The following MGAT5 variants were observed in gnomAD, a reference collection of about 807,000 sequenced individuals.
The protein encoded by MGAT5 is alpha-1,6-mannosylglycoprotein 6-beta-N-acetylglucosaminyltransferase A.
Under a neutral mutation model 94.3 loss-of-function variants are expected in MGAT5, and 30 were observed. The observed-to-expected ratio is 0.32, with a 90% CI of 0.24 to 0.43. The LOEUF is 0.43. Ranked by LOEUF, MGAT5 falls within the 20% of genes least tolerant of loss-of-function variation. The pLI is 1.00. For missense variants in MGAT5, 691 were observed against 905.5 expected (o/e 0.76, Z 3.04); for synonymous variants, 310 against 322.9 (o/e 0.96, Z 0.43).
chr2:134,182,501 ACTTTGTG>A (rs1393113083), intron 1 of MGAT5, among the ~76,000 whole-genome samples: 2 of 152,216 alleles, frequency 1.3e-5, no homozygotes, highest in African/African-American at 4.8e-5. Flanking sequence ...GTATTTTAAG[ACTTTGTG>A]TTGATTGATA....
chr2:134,222,901 T>A (rs1366401963), intron 1 of MGAT5, among the ~76,000 whole-genome samples: 1 of 152,200 alleles, frequency 6.6e-6, no homozygotes, highest in Admixed American at 6.5e-5. Flanking sequence ...CTTTTTTGTG[T>A]TAAGCTACTG....
intron 1 of MGAT5, among the ~76,000 whole-genome samples, chr2:134,163,221 A>C (rs567088410): frequency 6.6e-6 from 1 of 152,288 alleles, no homozygotes; most frequent in East Asian, 1.9e-4. Flanking sequence ...GATATGGAGA[A>C]AAGGTAGATT....
intron 1 of MGAT5, among the ~76,000 whole-genome samples, chr2:134,170,281 A>G (rs1688143383): frequency 6.6e-6 from 1 of 152,176 alleles, no homozygotes; most frequent in Non-Finnish European, 1.5e-5. Context: ...CATTTTCAAA[A>G]CCCATTCCTT....
At chr2:134,189,603 T>TTG (rs1558978094) in intron 1 of MGAT5, among the ~76,000 whole-genome samples, 4 of 57,540 alleles carry the variant, frequency 7.0e-5, no homozygotes, top group African/African-American at 4.3e-4. Flanking sequence ...TTTTTTTTTG[T>TTG]TTTTTTTTTT....
intron 1 of MGAT5, among the ~76,000 whole-genome samples, chr2:134,135,690 C>CA (rs59026836): frequency 0.031 from 1,267 of 40,806 alleles, 59 homozygotes; most frequent in African/African-American, 0.064. Flanking sequence ...GACTCCATCT[C>CA]AAAAAAAAAA....
intron 2 of MGAT5, among the ~76,000 whole-genome samples, 199 bp downstream of exon 2, chr2:134,270,749 C>A (rs182406373): frequency 3.6e-4 from 55 of 152,222 alleles, no homozygotes; most frequent in African/African-American, 1.2e-3. Context: ...TATCATGATG[C>A]ATAATATTTG....
chr2:134,189,602 G>GTTTTGTTTTTTTTTTTTTTTTTTTTTT (rs1553490380), intron 1 of MGAT5, among the ~76,000 whole-genome samples: 3 of 84,654 alleles, frequency 3.5e-5, no homozygotes, highest in African/African-American at 1.4e-4. Flanking sequence ...GTTTTTTTTT[G>GTTTTGTTTTTTTTTTTTTTTTTTTTTT]TTTTTTTTTT....
Position 134,341,751 on chromosome 2 carries a change from G to A in MGAT5, c.969G>A (p.Glu323=). The A allele has an allele frequency of 6.2e-7, 1 of 1,608,236 alleles. No homozygotes were observed. Among genetic ancestry groups the A allele is most frequent in the East Asian group, 2.2e-5 (1 of 44,682 alleles). Residue 323 remains glutamate (E), a synonymous_variant, in exon 7 of 16, where the codon GAG becomes GAA. Transcript: ENST00000281923. Reference sequence around the variant, plus strand: ...TTAGGATTTCAGCTTCACTGGCTGAGCTCAAGGAGTAAGGAGATTACTTTT... The same window carrying A: ...TTAGGATTTCAGCTTCACTGGCTGAACTCAAGGAGTAAGGAGATTACTTTT... The part of the protein sequence containing the change: ...HDIRISASLA[E]LKEIMKKVVG...
chr2:134,346,537 T>C (rs1218343879), intron 8 of MGAT5, among the ~76,000 whole-genome samples: 1 of 152,160 alleles, frequency 6.6e-6, no homozygotes, highest in Admixed American at 6.5e-5. Flanking sequence ...CTAGCTGATT[T>C]CTTTCCCTTT....
rs552187082 is a variant in MGAT5 at position 134,363,790 on chromosome 2, G to A, written c.1380+1382G>A. 5.3e-5 allele frequency among the ~76,000 whole-genome samples: 8 copies of A among 152,274 alleles called. No homozygotes were observed. The East Asian group carries it at 1.2e-3, about 22-fold the overall frequency. Reference sequence around the variant, plus strand: ...TCAGTCTAGATTGTAAATGGCTATCGAAGATGGTCCCATAAATTTGTGTTG... The same window carrying A: ...TCAGTCTAGATTGTAAATGGCTATCAAAGATGGTCCCATAAATTTGTGTTG... On this transcript the variant is annotated intron_variant, in intron 10 of 15. Coordinates refer to ENST00000281923, the MANE Select transcript of MGAT5 (RefSeq NM_002410.5).
intron 1 of MGAT5, among the ~76,000 whole-genome samples, chr2:134,181,678 T>C (rs899134192): frequency 4.6e-5 from 7 of 152,238 alleles, no homozygotes; most frequent in African/African-American, 1.7e-4. Flanking sequence ...TATGTATAGA[T>C]AAACACATAT....
intron 1 of MGAT5, among the ~76,000 whole-genome samples, chr2:134,177,076 C>CAGAT (rs10653434): frequency 0.19 from 28,360 of 150,994 alleles, 5,027 homozygotes; most frequent in African/African-American, 0.45. Flanking sequence ...CCACCATGAC[C>CAGAT]AGATATCTGA....
At chr2:134,193,073 G>T (rs1321816667) in intron 1 of MGAT5, among the ~76,000 whole-genome samples, 1 of 151,638 alleles carries the variant, frequency 6.6e-6, no homozygotes, top group African/African-American at 2.4e-5. Flanking sequence ...ACTTGGAAAA[G>T]TGATATTTTG....
intron 4 of MGAT5, among the ~76,000 whole-genome samples, chr2:134,332,589 G>T (rs1248086422): frequency 6.6e-6 from 1 of 152,054 alleles, no homozygotes; most frequent in African/African-American, 2.4e-5. Flanking sequence ...TTGACAAAGG[G>T]GATCTAATTA....
chr2:134,301,495 C>T (rs1686015943), intron 2 of MGAT5, among the ~76,000 whole-genome samples: 1 of 152,096 alleles, frequency 6.6e-6, no homozygotes, highest in African/African-American at 2.4e-5. Context: ...ATCCCTCTTG[C>T]CAGAGGTTTA....
At chr2:134,344,211 G>C (rs569764373) in intron 7 of MGAT5, among the ~76,000 whole-genome samples, 1 of 152,166 alleles carries the variant, frequency 6.6e-6, no homozygotes, top group African/African-American at 2.4e-5. Context: ...CAAGTACATC[G>C]TCACGCTCTG....
chr2:134,436,518 G>T (rs1685169726), intron 14 of MGAT5, among the ~76,000 whole-genome samples: 1 of 152,178 alleles, frequency 6.6e-6, no homozygotes, highest in African/African-American at 2.4e-5. Context: ...GGAGGCTGCT[G>T]TAGTTTACAA....
At chr2:134,396,300 G>A (rs185419629) in intron 10 of MGAT5, among the ~76,000 whole-genome samples, 80 of 152,108 alleles carry the variant, frequency 5.3e-4, no homozygotes, top group African/African-American at 1.6e-3. Flanking sequence ...AAATTTTTTC[G>A]GCTACACTGC....
At chr2:134,419,940 G>A (rs1018586300) in intron 12 of MGAT5, among the ~76,000 whole-genome samples, 1 of 152,168 alleles carries the variant, frequency 6.6e-6, no homozygotes, top group Non-Finnish European at 1.5e-5. Context: ...AAATGAAAAT[G>A]ATGTGACATT....
Sources: allele counts gnomAD v4.1 joint callset (sites outside exome capture counted in the v4.1 genomes callset), GRCh38; gene constraint gnomAD v4.1.1; transcripts MANE v1.5; gene names NCBI Gene and HGNC (gene_info 2026-07-23, HGNC 2026-07-21).